Variants in RALGAPA1 observed in about 807,000 individuals in gnomAD.
RALGAPA1 encodes Ral GTPase activating protein catalytic subunit alpha 1.
RALGAPA1 carries 52 observed loss-of-function variants against 269.6 expected under a neutral mutation model. The ratio of observed to expected loss-of-function variants is 0.19; its 90% CI spans 0.15 to 0.24. The LOEUF is 0.24. Ranked by LOEUF, RALGAPA1 falls within the 10% of genes least tolerant of loss-of-function variation. The probability of loss-of-function intolerance (pLI) is 1.00; values close to 1 mark genes in which losing one functional copy is unlikely to be tolerated. For synonymous variants in RALGAPA1, 817 were observed against 1,008.3 expected, an observed-to-expected ratio of 0.81 and a Z score of 3.60; for missense variants, 1,917 against 3,013.9, an observed-to-expected ratio of 0.64 and a Z score of 8.52.
intron 1 of RALGAPA1, among the ~76,000 whole-genome samples, chr14:35,802,471 C>G (rs1042280707): frequency 6.6e-6 from 1 of 152,034 alleles, no homozygotes; most frequent in African/African-American, 2.4e-5. Flanking sequence ...AGGTATAAGT[C>G]TGACAAAAGA....
chr14:35,572,850 T>C (rs1358188334), intron 37 of RALGAPA1, 132 bp from the exon 38 acceptor site: 3 of 540,914 alleles, frequency 5.5e-6, no homozygotes, highest in East Asian at 3.2e-5. Context: ...GTTTTACATA[T>C]GAAACACAAA....
intron 4 of RALGAPA1, among the ~76,000 whole-genome samples, chr14:35,768,821 C>T (rs2074353432): frequency 6.6e-6 from 1 of 151,380 alleles, no homozygotes; most frequent in South Asian, 2.1e-4. Flanking sequence ...CCAGCCTGAC[C>T]AACATGCAGA....
chr14:35,602,208 T>G (rs1229971453), intron 36 of RALGAPA1, among the ~76,000 whole-genome samples: 1 of 152,206 alleles, frequency 6.6e-6, no homozygotes, highest in Non-Finnish European at 1.5e-5. Context: ...GTTTAGCCAT[T>G]CATCCATTGA....
intron 11 of RALGAPA1, 96 bp from the exon 12 acceptor site, chr14:35,738,746 T>C: frequency 1.1e-6 from 1 of 899,986 alleles, no homozygotes; most frequent in Non-Finnish European, 1.7e-6. Flanking sequence ...TAGGTCCCAC[T>C]GCTAAACAGG....
chr14:35,689,568 T>A lies in RALGAPA1; in HGVS notation c.2843A>T (p.Lys948Met), dbSNP rs1360848328. 1.0e-5 allele frequency: 13 copies of A among 1,241,784 alleles called. No individual in the cohort carries two copies. Among genetic ancestry groups the A allele is most frequent in the Non-Finnish European group, 1.3e-5 (13 of 994,704 alleles). The allele number at this position is 1,241,784 out of a possible 1,614,324, so 76.9% of individuals were successfully genotyped here. The change falls in exon 18 of 42, where the codon AAG (lysine) becomes ATG (methionine). Residue 948 changes from lysine (K) to methionine (M), a missense_variant. By Grantham distance (95) the Lys-to-Met change is moderately conservative. Coordinates refer to ENST00000680220, the MANE Select transcript of RALGAPA1 (RefSeq NM_001346249.2). ...DLLSTLKEYFKENQENHSKNE... is the reference protein window; with the variant it reads ...DLLSTLKEYFMENQENHSKNE... ...TTTACTATGATTTTCCTGGTTTTCC[T>A]TAAAATATTCTTTCAGGGTGGAAAG...
chr14:35,674,449 T>C, intron 23 of RALGAPA1, 67 bp downstream of exon 23: 1 of 1,432,336 alleles, frequency 7.0e-7, no homozygotes, highest in Non-Finnish European at 9.4e-7. Flanking sequence ...AAATGTTTTC[T>C]AAGGCTTCTT....
chr14:35,728,318 A>C (rs200991979), intron 13 of RALGAPA1, 44 bp downstream of exon 13: 2 of 1,462,494 alleles, frequency 1.4e-6, no homozygotes, highest in African/African-American at 1.4e-5. Flanking sequence ...ATACCTGTGT[A>C]CACAATAAAA....
chr14:35,567,078 G>A (rs945237216), intron 39 of RALGAPA1, among the ~76,000 whole-genome samples: 1 of 151,732 alleles, frequency 6.6e-6, no homozygotes, highest in Non-Finnish European at 1.5e-5. Flanking sequence ...AGAAAAATTT[G>A]TTTGATCTAC....
intron 31 of RALGAPA1, among the ~76,000 whole-genome samples, chr14:35,645,730 C>CA (rs59715478): frequency 0.16 from 14,599 of 91,612 alleles, 1,396 homozygotes; most frequent in East Asian, 0.38. Flanking sequence ...ACTCCATCTC[C>CA]AAAAAAAAAA....
intron 17 of RALGAPA1, among the ~76,000 whole-genome samples, chr14:35,690,985 C>T (rs1567015509): frequency 6.6e-6 from 1 of 151,910 alleles, no homozygotes; most frequent in Non-Finnish European, 1.5e-5. Context: ...AGGAGAACTG[C>T]TTGAACCCAT....
intron 28 of RALGAPA1, among the ~76,000 whole-genome samples, chr14:35,658,560 C>T (rs1469019383): frequency 6.6e-6 from 1 of 151,926 alleles, no homozygotes; most frequent in Admixed American, 6.6e-5. Context: ...ACATGGTGTG[C>T]TACTAGCAAC....
At chr14:35,802,587 G>A (rs1016347808) in intron 1 of RALGAPA1, among the ~76,000 whole-genome samples, 4 of 151,240 alleles carry the variant, frequency 2.6e-5, no homozygotes, top group South Asian at 4.2e-4. Flanking sequence ...ATTCAATATC[G>A]TCAATTTTCC....
chr14:35,753,707 G>A (rs939088037), intron 7 of RALGAPA1, among the ~76,000 whole-genome samples: 7 of 152,072 alleles, frequency 4.6e-5, no homozygotes, highest in African/African-American at 1.7e-4. Flanking sequence ...GAGGGTAAGA[G>A]GACTGACTCC....
intron 37 of RALGAPA1, among the ~76,000 whole-genome samples, chr14:35,595,275 A>C (rs560232860): frequency 2.0e-4 from 30 of 152,128 alleles, no homozygotes; most frequent in Middle Eastern, 3.4e-3. Flanking sequence ...TGTAGATTTT[A>C]GCTGTTCTTG....
chr14:35,574,106 C>T (rs957048489), intron 37 of RALGAPA1, among the ~76,000 whole-genome samples: 20 of 152,030 alleles, frequency 1.3e-4, no homozygotes, highest in Admixed American at 3.3e-4. Context: ...AAGTAATAAA[C>T]GATAGTAAAA....
intron 1 of RALGAPA1, among the ~76,000 whole-genome samples, chr14:35,787,358 T>A (rs911689273): frequency 5.9e-5 from 9 of 152,160 alleles, no homozygotes; most frequent in Non-Finnish European, 1.3e-4. Context: ...TAAGAACAAT[T>A]GATGGAAAAG....
rs542346697 is a variant in RALGAPA1, at chr14:35,642,507, C to A, written c.5677-6909G>T. On this transcript the variant is annotated intron_variant, in intron 31 of 41. Coordinates refer to ENST00000680220, the MANE Select transcript of RALGAPA1 (RefSeq NM_001346249.2). ...ATATGTTCATATGACTATATGAAAA[C>A]AAGTTCATATGAACACATATGAACT... Among the ~76,000 whole-genome samples, 3 of 152,114 alleles carry A rather than the reference C, an allele frequency of 2.0e-5. No homozygotes were observed. In the South Asian group the frequency reaches 6.2e-4, roughly 32 times the overall value.
chr14:35,727,907 G>A (rs372877430), intron 13 of RALGAPA1, among the ~76,000 whole-genome samples: 30 of 152,324 alleles, frequency 2.0e-4, no homozygotes, highest in Middle Eastern at 3.4e-3. Context: ...AAGCTGGGAA[G>A]CAGGATCTTA....
At chr14:35,566,266 T>C (rs1212604980) in intron 39 of RALGAPA1, among the ~76,000 whole-genome samples, 1 of 152,202 alleles carries the variant, frequency 6.6e-6, no homozygotes, top group East Asian at 1.9e-4. Context: ...GACAGATTAC[T>C]GTAATTCTGG....
Sources: gnomAD v4.1 joint callset for allele counts (sites outside exome capture counted in the v4.1 genomes callset) on GRCh38, gnomAD v4.1.1 for gene constraint, MANE v1.5 for transcripts, NCBI Gene and HGNC (gene_info 2026-07-23, HGNC 2026-07-21) for gene names.